Variants in RAB3C observed in about 807,000 individuals in gnomAD.
RAB3C encodes the protein ras-related protein Rab-3C.
Under a neutral mutation model 26.4 loss-of-function variants are expected in RAB3C, and 17 were observed. That is an observed-to-expected ratio of 0.64 (90% CI 0.44 to 0.97). The LOEUF (loss-of-function observed/expected upper bound fraction) is 0.97. Among genes scored for constraint, RAB3C ranks in the 50% least tolerant of loss-of-function variants. The pLI is 0.00. For synonymous variants in RAB3C, 91 were observed against 95.9 expected, an observed-to-expected ratio of 0.95 and a Z score of 0.30; for missense variants, 242 against 281.9, an observed-to-expected ratio of 0.86 and a Z score of 1.01.
At chr5:58,641,155 T>C (rs1171387304) in intron 2 of RAB3C, among the ~76,000 whole-genome samples, 1 of 152,118 alleles carries the variant, frequency 6.6e-6, no homozygotes, top group Non-Finnish European at 1.5e-5. Context: ...AATGTGTGAG[T>C]GCAAAAAGAG....
chr5:58,837,325 G>A (rs1192223846), intron 4 of RAB3C, among the ~76,000 whole-genome samples: 3 of 151,880 alleles, frequency 2.0e-5, no homozygotes, highest in Non-Finnish European at 4.4e-5. Context: ...GGGATTACAG[G>A]CGTGCACCAT....
intron 3 of RAB3C, among the ~76,000 whole-genome samples, chr5:58,756,572 C>T (rs1010531543): frequency 7.3e-5 from 11 of 149,746 alleles, no homozygotes; most frequent in Middle Eastern, 6.8e-3. Flanking sequence ...GTTCCCCTCC[C>T]TGTGTCCATG....
chr5:58,791,184 C>A (rs1742515403), intron 3 of RAB3C, among the ~76,000 whole-genome samples: 1 of 152,104 alleles, frequency 6.6e-6, no homozygotes, highest in African/African-American at 2.4e-5. Context: ...AAGTCATTTT[C>A]TTTCTTACAG....
At chr5:58,764,332 C>T (rs908256100) in intron 3 of RAB3C, among the ~76,000 whole-genome samples, 8 of 152,192 alleles carry the variant, frequency 5.3e-5, no homozygotes, top group African/African-American at 4.8e-5. Flanking sequence ...ATGTACTCAG[C>T]TGGGCCAAGA....
chr5:58,597,093 A>ATATATATTATATAATATAGATAATACATT (rs1561260549), intron 1 of RAB3C, among the ~76,000 whole-genome samples: 1 of 18,406 alleles, frequency 5.4e-5, no homozygotes, highest in Non-Finnish European at 7.8e-5. Flanking sequence ...TATAATACAT[A>ATATATATTATATAATATAGATAATACATT]ATATATATTA....
intron 1 of RAB3C, among the ~76,000 whole-genome samples, chr5:58,613,914 A>T (rs1223108829): frequency 6.6e-6 from 1 of 152,078 alleles, no homozygotes; most frequent in Non-Finnish European, 1.5e-5. Context: ...GGGTTCCTTC[A>T]GATACCTGAA....
chr5:58,599,802 C>G (rs1402828474), intron 1 of RAB3C, among the ~76,000 whole-genome samples: 1 of 151,570 alleles, frequency 6.6e-6, no homozygotes, highest in Non-Finnish European at 1.5e-5. Context: ...TGTGGATTGT[C>G]TGTTTACTCT....
chr5:58,708,189 G>A (rs542654713), intron 2 of RAB3C, among the ~76,000 whole-genome samples: 23 of 151,762 alleles, frequency 1.5e-4, no homozygotes, highest in African/African-American at 4.6e-4. Flanking sequence ...AAGGTCTTGC[G>A]ATGTTGCCCA....
chr5:58,613,718 G>A (rs292966), intron 1 of RAB3C, among the ~76,000 whole-genome samples: 40,951 of 151,948 alleles, frequency 0.27, 5,992 homozygotes, highest in East Asian at 0.59. Context: ...TTTGGACTAA[G>A]TAGGTAAATA....
chr5:58,631,683 A>G (rs116075849), intron 2 of RAB3C, among the ~76,000 whole-genome samples: 202 of 152,296 alleles, frequency 1.3e-3, no homozygotes, highest in African/African-American at 4.2e-3. Context: ...TAATTAAACA[A>G]TGGATCTGTC....
rs1354255647 is a variant in RAB3C, at chr5:58,859,366, A to G, written c.*8015A>G. 6.6e-6 allele frequency: 1 copy of G among 152,228 alleles called. No individual in the cohort carries two copies. The highest frequency in any genetic ancestry group is 2.4e-5 in the African/African-American group (1 of 41,468). The allele number at this position is 152,228 out of a possible 1,614,324, so 9.4% of individuals were successfully genotyped here. ...TTTGTTTTATTTCTTGAAGATTACA[A>G]TAAATATCTAAGAGACTATATTCCT... On this transcript the variant is annotated 3_prime_UTR_variant, in exon 5 of 5. Transcript: ENST00000282878.
chr5:58,726,205 G>T (rs905646156), intron 3 of RAB3C, 85 bp downstream of exon 3: 3 of 663,336 alleles, frequency 4.5e-6, no homozygotes, highest in South Asian at 4.6e-5. Flanking sequence ...TGACCATACC[G>T]CAATGTAATA....
chr5:58,671,167 T>C (rs991434641), intron 2 of RAB3C, among the ~76,000 whole-genome samples: 1 of 152,078 alleles, frequency 6.6e-6, no homozygotes, highest in Admixed American at 6.6e-5. Context: ...CCAAAGATAA[T>C]AATAATTGTC....
At chr5:58,614,626 C>T (rs1000971674) in intron 1 of RAB3C, among the ~76,000 whole-genome samples, 2 of 152,002 alleles carry the variant, frequency 1.3e-5, no homozygotes, top group South Asian at 2.1e-4. Flanking sequence ...TCTTTTGCCC[C>T]CATTACCTTC....
At chr5:58,845,612 A>ATATATATATATATCTGTGTGTGTGTGTG in intron 4 of RAB3C, among the ~76,000 whole-genome samples, 1 of 81,744 alleles carries the variant, frequency 1.2e-5, no homozygotes, top group African/African-American at 5.8e-5. Flanking sequence ...ATATATATAT[A>ATATATATATATATCTGTGTGTGTGTGTG]TGTGTGTGTG....
chr5:58,753,031 A>C (rs901856057), intron 3 of RAB3C, among the ~76,000 whole-genome samples: 1 of 152,140 alleles, frequency 6.6e-6, no homozygotes, highest in Non-Finnish European at 1.5e-5. Context: ...AAAAAAATCT[A>C]CATTGCTATC....
intron 2 of RAB3C, among the ~76,000 whole-genome samples, chr5:58,652,303 G>T (rs964384473): frequency 1.3e-5 from 2 of 151,400 alleles, no homozygotes; most frequent in Admixed American, 1.3e-4. Context: ...TATACTTAGA[G>T]AATATAAATT....
intron 4 of RAB3C, among the ~76,000 whole-genome samples, chr5:58,827,461 ACT>A (rs1228131772): frequency 6.6e-6 from 1 of 152,230 alleles, no homozygotes; most frequent in Non-Finnish European, 1.5e-5. Flanking sequence ...ATTTTTTAAC[ACT>A]CTAATAAATT....
At chr5:58,595,880 T>C (rs1746236542) in intron 1 of RAB3C, among the ~76,000 whole-genome samples, 1 of 152,160 alleles carries the variant, frequency 6.6e-6, no homozygotes, top group African/African-American at 2.4e-5. Context: ...CTTTACATTT[T>C]GTTGCTAAGA....
Sources: gnomAD v4.1 joint callset for allele counts (sites outside exome capture counted in the v4.1 genomes callset) on GRCh38, gnomAD v4.1.1 for gene constraint, MANE v1.5 for transcripts, NCBI Gene and HGNC (gene_info 2026-07-23, HGNC 2026-07-21) for gene names.